RGS20: variants seen among roughly 807,000 people sequenced by gnomAD.
RGS20 encodes the protein regulator of G protein signaling 20.
A neutral mutation model predicts 33.6 loss-of-function variants in RGS20; 30 were observed. That is an observed-to-expected ratio of 0.89 (90% CI 0.67 to 1.21). The LOEUF is 1.21. RGS20 is among the 50% of genes most tolerant of loss of function. RGS20 has a pLI of 0.00. For synonymous variants in RGS20, 208 were observed against 197.9 expected (o/e 1.05, Z -0.43); for missense variants, 472 against 502.4 (o/e 0.94, Z 0.58).
At chr8:53,859,220 C>G (rs1811753515) in intron 1 of RGS20, among the ~76,000 whole-genome samples, 1 of 152,196 alleles carries the variant, frequency 6.6e-6, no homozygotes, top group South Asian at 2.1e-4. Context: ...TTTTCATATT[C>G]TATTTATACA....
At chr8:53,955,979 T>C (rs998984916) in intron 5 of RGS20, among the ~76,000 whole-genome samples, 2 of 152,132 alleles carry the variant, frequency 1.3e-5, no homozygotes, top group African/African-American at 2.4e-5. Context: ...TCTCCTGTCA[T>C]GGAGCTCCTG....
intron 4 of RGS20, among the ~76,000 whole-genome samples, chr8:53,947,122 T>G (rs1814507995): frequency 6.8e-6 from 1 of 146,960 alleles, no homozygotes; most frequent in Admixed American, 6.9e-5. Context: ...ACAGCATATA[T>G]ACTTATATAT....
At chr8:53,939,554 T>C in intron 2 of RGS20, 22 bp from the exon 2 acceptor site, 2 of 1,500,400 alleles carry the variant, frequency 1.3e-6, no homozygotes, top group Non-Finnish European at 8.9e-7. Flanking sequence ...TCCCGCCCGC[T>C]TTGTTCCTCT....
chr8:53,901,729 G>T (rs1044165027), intron 2 of RGS20, among the ~76,000 whole-genome samples: 4 of 152,172 alleles, frequency 2.6e-5, no homozygotes, highest in African/African-American at 9.7e-5. Flanking sequence ...CGCACCTGTA[G>T]TCCGAGCTAC....
chr8:53,857,241 A>G (rs1431763057), intron 1 of RGS20, among the ~76,000 whole-genome samples: 1 of 152,250 alleles, frequency 6.6e-6, no homozygotes, highest in Non-Finnish European at 1.5e-5. Flanking sequence ...CGTGGCTAGC[A>G]TGCACATGTT....
At chr8:53,942,530 A>C (rs181890269) in intron 3 of RGS20, among the ~76,000 whole-genome samples, 1 of 152,222 alleles carries the variant, frequency 6.6e-6, no homozygotes, top group East Asian at 1.9e-4. Flanking sequence ...CCTGCAAAAA[A>C]AGGAGACATG....
chr8:53,895,806 G>A (rs1236070050), intron 2 of RGS20, among the ~76,000 whole-genome samples: 2 of 151,790 alleles, frequency 1.3e-5, no homozygotes, highest in African/African-American at 4.8e-5. Flanking sequence ...AACCATGCCT[G>A]GCTAATTTCC....
intron 2 of RGS20, among the ~76,000 whole-genome samples, chr8:53,892,151 T>G (rs1326846135): frequency 6.6e-6 from 1 of 152,222 alleles, no homozygotes; most frequent in African/African-American, 2.4e-5. Context: ...TTTGGTTTTT[T>G]GTCCTTGTGA....
intron 4 of RGS20, among the ~76,000 whole-genome samples, chr8:53,948,381 T>C (rs190504992): frequency 0.024 from 3,288 of 139,662 alleles, 78 homozygotes; most frequent in African/African-American, 0.039. Flanking sequence ...TATATATTTA[T>C]ATATGCTATA....
intron 5 of RGS20, among the ~76,000 whole-genome samples, chr8:53,956,505 G>C (rs1814866731): frequency 6.6e-6 from 1 of 152,174 alleles, no homozygotes; most frequent in Non-Finnish European, 1.5e-5. Flanking sequence ...AAAGGGACAT[G>C]GTGAGGGCCT....
intron 1 of RGS20, among the ~76,000 whole-genome samples, chr8:53,866,963 A>G (rs1295525861): frequency 6.6e-6 from 1 of 152,152 alleles, no homozygotes; most frequent in Non-Finnish European, 1.5e-5. Context: ...ATTACGTATC[A>G]GAGAATGGGC....
Position 53,867,706 on chromosome 8 carries a change from T to TTC in RGS20, c.166-11552_166-11551insTC, listed in dbSNP as rs1563343677. 2.1e-3 allele frequency among the ~76,000 whole-genome samples: 256 copies of TTC among 120,628 alleles called. 1 individual carries two copies. Among genetic ancestry groups the TTC allele is most frequent in the African/African-American group, 7.8e-3 (248 of 31,856 alleles). 79.1% of individuals were successfully genotyped at this position (120,628 alleles called of 152,430 possible). A position where few individuals can be genotyped will look rare whatever the true frequency, so the allele number is the denominator to read the frequency against. ...TCCTTCCTTCCTTCCTTCCTTCCTT[T>TTC]CTTTGTTTCTTTCCTTCTTTCTTTC... On this transcript the variant is annotated intron_variant, in intron 1 of 5. Coordinates refer to ENST00000297313, the MANE Select transcript of RGS20 (RefSeq NM_170587.4).
At chr8:53,881,050 C>A in intron 2 of RGS20, 1 of 1,549,356 alleles carries the variant, frequency 6.5e-7, no homozygotes, top group Non-Finnish European at 8.6e-7. Context: ...CCGGCCGGGG[C>A]TTCCTCCCCG....
chr8:53,892,408 G>T (rs931310082), intron 2 of RGS20, among the ~76,000 whole-genome samples: 1 of 152,188 alleles, frequency 6.6e-6, no homozygotes, highest in African/African-American at 2.4e-5. Context: ...CTGTAAACTA[G>T]TTCAACCATT....
rs143349364 is a variant in RGS20 at position 53,932,971 on chromosome 8, C to G, written c.511-6605C>G. Among the ~76,000 whole-genome samples the G allele has an allele frequency of 9.2e-5, 14 of 152,306 alleles. No homozygotes were observed. In the East Asian group the frequency reaches 2.7e-3, roughly 29 times the overall value. On this transcript the variant is annotated intron_variant, in intron 2 of 5. Coordinates refer to ENST00000297313, the MANE Select transcript of RGS20 (RefSeq NM_170587.4). ...CCTTTGCTAGTGATACCCTGGCAAA[C>G]AGGGTCTGGCATGGACCTCCAGCAA... is the stretch of plus-strand genomic sequence containing the variant.
intron 1 of RGS20, among the ~76,000 whole-genome samples, chr8:53,865,039 G>A (rs1019285982): frequency 2.0e-5 from 3 of 152,204 alleles, no homozygotes; most frequent in African/African-American, 7.2e-5. Flanking sequence ...GCCTTAGAAC[G>A]ACAGGGCCCC....
intron 2 of RGS20, among the ~76,000 whole-genome samples, chr8:53,937,871 AAGTT>A (rs761519738): frequency 1.3e-5 from 2 of 152,244 alleles, no homozygotes; most frequent in Admixed American, 1.3e-4. Flanking sequence ...AATGATTAAA[AAGTT>A]AGGTAACAAC....
In RGS20 at chr8:53,879,528, C is replaced by G; in HGVS notation, c.436C>G (p.Pro146Ala). The G allele has an allele frequency of 5.2e-6, 8 of 1,541,746 alleles. No homozygotes were observed. The highest frequency in any genetic ancestry group is 7.0e-6 in the Non-Finnish European group (8 of 1,144,866). ...GCCCGGCCGACCCTCGGGGGGTCGT[C>G]CGCTGAGGCCCCCCCATCCGGTAGC... The change falls in exon 2 of 6, where the codon CCG becomes GCG. Residue 146 changes from proline (P) to alanine (A), a missense_variant. By Grantham distance (27) the Pro-to-Ala change is conservative (BLOSUM62 -1). Transcript: ENST00000297313.
intron 1 of RGS20, among the ~76,000 whole-genome samples, chr8:53,856,636 G>A (rs1811676662): frequency 6.6e-6 from 1 of 152,232 alleles, no homozygotes; most frequent in South Asian, 2.1e-4. Context: ...ATGAGGAAGA[G>A]AAAGCATTAC....
Sources: allele counts gnomAD v4.1 joint callset (sites outside exome capture counted in the v4.1 genomes callset), GRCh38; gene constraint gnomAD v4.1.1; transcripts MANE v1.5; gene names NCBI Gene and HGNC (gene_info 2026-07-23, HGNC 2026-07-21).